TOR1A: variants seen among roughly 807,000 people sequenced by gnomAD.
TOR1A encodes torsin family 1 member A.
Under a neutral mutation model 31.4 loss-of-function variants are expected in TOR1A, and 18 were observed. That is an observed-to-expected ratio of 0.57 (90% CI 0.40 to 0.85). TOR1A has a LOEUF of 0.85. Ranked by LOEUF, TOR1A falls within the 40% of genes least tolerant of loss-of-function variation. The pLI is 0.00. For missense variants in TOR1A, 375 were observed against 416.4 expected, an observed-to-expected ratio of 0.90 and a Z score of 0.87; for synonymous variants, 168 against 165.9, an observed-to-expected ratio of 1.01 and a Z score of -0.10.
intron 2 of TOR1A, 55 bp downstream of exon 2, chr9:129,822,526 A>G (rs756624595): frequency 1.9e-6 from 3 of 1,610,618 alleles, no homozygotes; most frequent in Non-Finnish European, 2.5e-6. Context: ...TCCCACAACA[A>G]AGAGACCCCA....
At chr9:129,819,924 C>G (rs1273210185) in intron 2 of TOR1A, among the ~76,000 whole-genome samples, 6 of 142,912 alleles carry the variant, frequency 4.2e-5, no homozygotes, top group Admixed American at 2.1e-4. Context: ...GAGCAAGACT[C>G]CGTCTCAAAA....
At chr9:129,821,408 T>C (rs1033173573) in intron 2 of TOR1A, 1 of 152,218 alleles carries the variant, frequency 6.6e-6, no homozygotes, top group Non-Finnish European at 1.5e-5. Context: ...ATTTGTAACA[T>C]GCACCAGGTA....
At chr9:129,823,088 G>A (rs1247224453) in intron 1 of TOR1A, among the ~76,000 whole-genome samples, 1 of 152,078 alleles carries the variant, frequency 6.6e-6, no homozygotes, top group Non-Finnish European at 1.5e-5. Context: ...GCCCCTTGGT[G>A]CCACTGCCAC....
At chr9:129,818,403 A>T (rs2031093650) in intron 4 of TOR1A, 117 bp downstream of exon 4, 8 of 1,509,058 alleles carry the variant, frequency 5.3e-6, no homozygotes, top group African/African-American at 1.4e-5. Context: ...GGGACTGAGA[A>T]TCTGCATTTC....
At chr9:129,815,010 G>A (rs2030999920) in intron 4 of TOR1A, among the ~76,000 whole-genome samples, 1 of 152,166 alleles carries the variant, frequency 6.6e-6, no homozygotes, top group South Asian at 2.1e-4. Flanking sequence ...GCTCTGCACT[G>A]ACCCGTCCAC....
At chr9:129,820,679 C>T (rs779954786) in intron 2 of TOR1A, among the ~76,000 whole-genome samples, 1 of 152,100 alleles carries the variant, frequency 6.6e-6, no homozygotes, top group African/African-American at 2.4e-5. Context: ...ACTGCAGCCT[C>T]GACCTCCCAG....
intron 2 of TOR1A, 129 bp downstream of exon 2, chr9:129,822,452 G>C: frequency 7.8e-7 from 1 of 1,284,136 alleles, no homozygotes. Flanking sequence ...ACCTTTCCAA[G>C]GGGAACTGAG....
At chr9:129,817,711 A>C (rs2031074702) in intron 4 of TOR1A, among the ~76,000 whole-genome samples, 1 of 150,456 alleles carries the variant, frequency 6.6e-6, no homozygotes, top group Non-Finnish European at 1.5e-5. Context: ...AAAAAAAAAA[A>C]AAACAGCAGG....
intron 1 of TOR1A, 141 bp from the exon 2 acceptor site, chr9:129,822,987 G>T: frequency 8.1e-7 from 1 of 1,233,802 alleles, no homozygotes; most frequent in Non-Finnish European, 1.2e-6. Flanking sequence ...CGGTCTGTAA[G>T]CTCCTGGCCC....
At chr9:129,820,496 A>G (rs1448670586) in intron 2 of TOR1A, among the ~76,000 whole-genome samples, 4 of 152,242 alleles carry the variant, frequency 2.6e-5, no homozygotes, top group Admixed American at 2.0e-4. Context: ...TTTACAAATG[A>G]GAAAACTGAG....
At chr9:129,818,007 ACT>A (rs764528359) in intron 4 of TOR1A, among the ~76,000 whole-genome samples, 1 of 151,604 alleles carries the variant, frequency 6.6e-6, no homozygotes, top group Non-Finnish European at 1.5e-5. Context: ...ACAGAGTGAG[ACT>A]CTGTCTCAAA....
chr9:129,817,009 G>A (rs1454899788), intron 4 of TOR1A, among the ~76,000 whole-genome samples: 2 of 152,250 alleles, frequency 1.3e-5, no homozygotes, highest in Non-Finnish European at 2.9e-5. Flanking sequence ...GTCTTAGCCA[G>A]TGAGTCAGCC....
intron 4 of TOR1A, among the ~76,000 whole-genome samples, chr9:129,817,941 T>C (rs1424464058): frequency 6.6e-6 from 1 of 150,598 alleles, no homozygotes; most frequent in Non-Finnish European, 1.5e-5. Context: ...CACTTGAGCC[T>C]AGGAAGTCAA....
chr9:129,814,620 C>T (rs543943919), intron 4 of TOR1A, among the ~76,000 whole-genome samples: 1 of 151,798 alleles, frequency 6.6e-6, no homozygotes, highest in East Asian at 2.0e-4. Flanking sequence ...GAAGCTGTGA[C>T]AGCCCTCTTT....
chr9:129,816,725 G>T (rs2031049745), intron 4 of TOR1A, among the ~76,000 whole-genome samples: 1 of 152,208 alleles, frequency 6.6e-6, no homozygotes, highest in Non-Finnish European at 1.5e-5. Context: ...TGGATTCTAG[G>T]CCACGGGGCT....
chr9:129,814,749 A>G (rs2030991490), intron 4 of TOR1A, among the ~76,000 whole-genome samples: 1 of 151,672 alleles, frequency 6.6e-6, no homozygotes, highest in South Asian at 2.1e-4. Context: ...GTTCCACAGA[A>G]AGCGGGAAGC....
At chr9:129,823,830 C>A in intron 1 of TOR1A, 78 bp downstream of exon 1, 1 of 1,507,272 alleles carries the variant, frequency 6.6e-7, no homozygotes, top group Non-Finnish European at 8.9e-7. Flanking sequence ...ATTCTCCATG[C>A]CCTGGTCCTA....
chr9:129,823,949 A>C lies in TOR1A; in HGVS notation c.137T>G (p.Phe46Cys). 6.3e-7 allele frequency: 1 copy of C among 1,585,000 alleles called. No individual in the cohort carries two copies. Among genetic ancestry groups the C allele is most frequent in the Non-Finnish European group, 8.6e-7 (1 of 1,164,830 alleles). ...GYIYPRLYCL[F>C]AECCGQKRSL... ...CCGCTTCTGCCCGCAGCACTCGGCG[A>C]AGAGGCAGTAGAGACGCGGGTAGAT... Residue 46 changes from phenylalanine to cysteine, a missense_variant, in exon 1 of 5, where the codon TTC becomes TGC. By Grantham distance (205) the Phe-to-Cys change is radical. Transcript: ENST00000351698.
chr9:129,816,378 T>C (rs1009638281), intron 4 of TOR1A, among the ~76,000 whole-genome samples: 1 of 152,196 alleles, frequency 6.6e-6, no homozygotes, highest in Non-Finnish European at 1.5e-5. Flanking sequence ...GGGAAAGATA[T>C]CTATATGTCC....
Sources: allele counts gnomAD v4.1 joint callset (sites outside exome capture counted in the v4.1 genomes callset), GRCh38; gene constraint gnomAD v4.1.1; transcripts MANE v1.5; gene names NCBI Gene and HGNC (gene_info 2026-07-23, HGNC 2026-07-21).